The following NARS1 variants were observed in gnomAD, a reference collection of about 807,000 sequenced individuals.
NARS1 encodes asparagine--tRNA ligase, cytoplasmic.
Under a neutral mutation model 79.2 loss-of-function variants are expected in NARS1, and 65 were observed. The observed-to-expected ratio is 0.82, with a 90% CI of 0.67 to 1.01. The LOEUF (loss-of-function observed/expected upper bound fraction) is 1.01. Ranked by LOEUF, NARS1 falls within the 50% of genes least tolerant of loss-of-function variation. The pLI is 0.00. For missense variants in NARS1, 649 were observed against 673.8 expected (o/e 0.96, Z 0.41); for synonymous variants, 229 against 238.8 (o/e 0.96, Z 0.38).
chr18:57,618,120 TAAA>T (rs199797842), intron 2 of NARS1, among the ~76,000 whole-genome samples: 2 of 121,110 alleles, frequency 1.7e-5, no homozygotes. Flanking sequence ...CTACTAGAAA[TAAA>T]AAAAAAAAAA....
At position 57,602,486 on chromosome 18, in the gene NARS1, C is replaced by T; in HGVS notation, c.1384G>A (p.Val462Ile). ...CCAACATTGGGCATCAACACGTCGA[C>T]CTTTAAATATAAGTGAAAGAAGATA... ...CPEDSRLTES[V>I]DVLMPNVGEI... The change falls in exon 13 of 14, where the codon GTC becomes ATC. Residue 462 changes from valine to isoleucine, a missense_variant and splice_region_variant. Coordinates refer to ENST00000256854, the MANE Select transcript of NARS1 (RefSeq NM_004539.4). The T allele has an allele frequency of 6.2e-7, 1 of 1,613,666 alleles. No individual in the cohort carries two copies. Among genetic ancestry groups the T allele is most frequent in the East Asian group, 2.2e-5 (1 of 44,878 alleles).
In NARS1 at chr18:57,602,838, G is replaced by C. The variant is rs1244092998; in HGVS notation, c.1357C>G (p.Pro453Ala). 8.7e-6 allele frequency: 14 copies of C among 1,614,046 alleles called. No homozygotes were observed. The highest frequency in any genetic ancestry group is 1.1e-5 in the Non-Finnish European group (13 of 1,180,000). ...EIKSFYMQRCPEDSRLTESVD... is the reference protein window; with the variant it reads ...EIKSFYMQRCAEDSRLTESVD... ...GATTCAGTAAGACGGGAATCCTCAGGACATCGCTGCATGTAGAAGGACTTG... is the reference window on the plus strand; with the variant it reads ...GATTCAGTAAGACGGGAATCCTCAGCACATCGCTGCATGTAGAAGGACTTG... Residue 453 changes from proline to alanine, a missense_variant, in exon 12 of 14, where the codon CCT becomes GCT. Physicochemically the swap from Pro to Ala is conservative, Grantham distance 27 (BLOSUM62 -1). Transcript: ENST00000256854.
chr18:57,613,659 C>T lies in NARS1; in HGVS notation c.364G>A (p.Gly122Arg), dbSNP rs771846629. Reference sequence around the variant, plus strand: ...ACCTTTACTCTTTGGCCTCTATATCCTTCTAACGCACCAATCTTCACCTGT... The same window carrying T: ...ACCTTTACTCTTTGGCCTCTATATCTTTCTAACGCACCAATCTTCACCTGT... ...PKCVKIGALE[G>R]YRGQRVKVFG... is the part of the protein sequence containing the mutation. The change falls in exon 5 of 14, where the codon GGA becomes AGA. Residue 122 changes from glycine (G) to arginine (R), a missense_variant. Gly to Arg is a moderately radical substitution (Grantham distance 125). Coordinates refer to ENST00000256854, the MANE Select transcript of NARS1 (RefSeq NM_004539.4). 5 of 1,613,948 alleles carry T rather than the reference C, an allele frequency of 3.1e-6. No homozygotes were observed. In the African/African-American group the frequency reaches 6.7e-5, roughly 22 times the overall value.
chr18:57,601,377 T>C lies in NARS1; in HGVS notation c.*275A>G, dbSNP rs2051504132. On this transcript the variant is annotated 3_prime_UTR_variant, in exon 14 of 14. Transcript: ENST00000256854. ...AATAACTTGGATAAAGTGAGTAAAA[T>C]GCTGAAATGTATCCCTAACTACAGT... 1 of 270,054 alleles carries C rather than the reference T, an allele frequency of 3.7e-6. No homozygotes were observed. Among genetic ancestry groups the C allele is most frequent in the South Asian group, 7.3e-5 (1 of 13,744 alleles). The allele number at this position is 270,054 out of a possible 1,614,324, so 16.7% of individuals were successfully genotyped here.
intron 12 of NARS1, 113 bp from the exon 13 acceptor site, chr18:57,602,599 T>G: frequency 1.6e-6 from 2 of 1,281,520 alleles, no homozygotes; most frequent in Non-Finnish European, 1.1e-6. Context: ...AAGGAGCCAC[T>G]ATGATCATGT....
intron 6 of NARS1, among the ~76,000 whole-genome samples, chr18:57,611,197 CTCAAGCAG>C (rs2051602280): frequency 1.3e-5 from 2 of 152,016 alleles, no homozygotes; most frequent in Admixed American, 6.6e-5. Context: ...AACTCCTGGG[CTCAAGCAG>C]TCTGCCCACT....
chr18:57,611,710 A>C lies in NARS1; in HGVS notation c.422-3T>G. Reference sequence around the variant, plus strand: ...CACCAGAAACATTAAATTCTTTCCTAAAAAATGAGAAATAATAATTTAGGC... The same window carrying C: ...CACCAGAAACATTAAATTCTTTCCTCAAAAATGAGAAATAATAATTTAGGC... On this transcript the variant is annotated splice_polypyrimidine_tract_variant and splice_region_variant and intron_variant, in intron 5 of 13. Coordinates refer to ENST00000256854, the MANE Select transcript of NARS1 (RefSeq NM_004539.4). 6.4e-7 allele frequency: 1 copy of C among 1,551,620 alleles called. No homozygotes were observed. Among genetic ancestry groups the C allele is most frequent in the Non-Finnish European group, 8.8e-7 (1 of 1,139,800 alleles).
Position 57,611,494 on chromosome 18 carries a change from T to C in NARS1, c.492+143A>G. On this transcript the variant is annotated intron_variant, in intron 6 of 13. Transcript: ENST00000256854. Reference sequence around the variant, plus strand: ...GTATAATAAACAAATAAAAATTGCATGTTTATGGTATACAATGTGATGTTT... The same window carrying C: ...GTATAATAAACAAATAAAAATTGCACGTTTATGGTATACAATGTGATGTTT... The C allele has an allele frequency of 7.3e-6, 4 of 545,446 alleles. No individual in the cohort carries two copies. The South Asian group carries it at 9.8e-5, about 13-fold the overall frequency. 33.8% of individuals were successfully genotyped at this position (545,446 alleles called of 1,614,324 possible).
chr18:57,606,353 A>T (rs1202603512), intron 10 of NARS1, among the ~76,000 whole-genome samples: 41 of 10,942 alleles, frequency 3.7e-3, no homozygotes, highest in African/African-American at 5.3e-3. Flanking sequence ...TCAAAAAAAA[A>T]ATATATATAT....
At chr18:57,618,289 C>CA (rs34320460) in intron 2 of NARS1, among the ~76,000 whole-genome samples, 114,281 of 122,840 alleles carry the variant, frequency 0.93, 53,248 homozygotes, top group East Asian at 0.99. Flanking sequence ...AACTCTGTCT[C>CA]AAAAAAAAAA....
In NARS1 at chr18:57,601,713, T is replaced by C; in HGVS notation, c.1586A>G (p.Asn529Ser). 1.2e-6 allele frequency: 2 copies of C among 1,613,798 alleles called. No individual in the cohort carries two copies. Among genetic ancestry groups the C allele is most frequent in the Non-Finnish European group, 1.7e-6 (2 of 1,179,656 alleles). The change falls in exon 14 of 14, where the codon AAT (asparagine) becomes AGT (serine). Residue 529 changes from asparagine to serine, a missense_variant. Transcript: ENST00000256854. The part of the protein sequence containing the change: ...GLERFLTWIL[N>S]RYHIRDVCLY... ...GCACACGTCTCGGATGTGATACCTA[T>C]TCAGAATCCACGTTAAGAATCGTTC... is the stretch of plus-strand genomic sequence containing the variant.
At chr18:57,619,055 AG>A (rs1908180746) in intron 2 of NARS1, among the ~76,000 whole-genome samples, 1 of 152,202 alleles carries the variant, frequency 6.6e-6, no homozygotes, top group Non-Finnish European at 1.5e-5. Context: ...TAACAAAAAA[AG>A]GGGATGCACA....
At position 57,613,663 on chromosome 18, in the gene NARS1, T is replaced by C. The variant is rs2051624396; in HGVS notation, c.360A>G (p.Leu120=). ...TTACTCTTTGGCCTCTATATCCTTC[T>C]AACGCACCAATCTTCACCTGTCAAA... ...PEPKCVKIGA[L]EGYRGQRVKV... is the part of the protein sequence containing the mutation. The change falls in exon 5 of 14, where the codon TTA becomes TTG. Residue 120 remains leucine (L), a synonymous_variant. Transcript: ENST00000256854. 1.2e-6 allele frequency: 2 copies of C among 1,614,074 alleles called. No homozygotes were observed. Among genetic ancestry groups the C allele is most frequent in the South Asian group, 1.1e-5 (1 of 91,086 alleles).
At chr18:57,602,320 A>G (rs1217432879) in intron 13 of NARS1, 35 bp downstream of exon 13, 3 of 1,592,038 alleles carry the variant, frequency 1.9e-6, no homozygotes, top group African/African-American at 1.3e-5. Flanking sequence ...ATTACAGTGG[A>G]AAAAAATGTT....
At chr18:57,604,627 C>T (rs960242313) in intron 11 of NARS1, among the ~76,000 whole-genome samples, 14 of 152,206 alleles carry the variant, frequency 9.2e-5, no homozygotes, top group Admixed American at 7.9e-4. Context: ...CAGTGGCTCA[C>T]GCCTGTAATC....
intron 11 of NARS1, among the ~76,000 whole-genome samples, chr18:57,604,968 G>A (rs1038767841): frequency 3.3e-5 from 5 of 152,148 alleles, no homozygotes; most frequent in African/African-American, 1.2e-4. Flanking sequence ...TTTACCTGGG[G>A]CACTAGGCTA....
At chr18:57,612,590 C>A (rs2051613380) in intron 5 of NARS1, among the ~76,000 whole-genome samples, 1 of 152,112 alleles carries the variant, frequency 6.6e-6, no homozygotes, top group African/African-American at 2.4e-5. Flanking sequence ...TGCTCACAAC[C>A]ACACCCAGCT....
chr18:57,616,374 C>A (rs1039466179), intron 2 of NARS1, among the ~76,000 whole-genome samples: 1 of 148,958 alleles, frequency 6.7e-6, no homozygotes, highest in Non-Finnish European at 1.5e-5. Context: ...GAGCCAAGAT[C>A]GTGCCACTGC....
chr18:57,616,067 T>C (rs773836890), intron 2 of NARS1, 92 bp from the exon 3 acceptor site: 2 of 1,206,616 alleles, frequency 1.7e-6, no homozygotes, highest in African/African-American at 3.1e-5. Flanking sequence ...ACTGGAACAA[T>C]CTAAGCATAA....
Sources: allele counts gnomAD v4.1 joint callset (sites outside exome capture counted in the v4.1 genomes callset), GRCh38; gene constraint gnomAD v4.1.1; transcripts MANE v1.5; gene names NCBI Gene and HGNC (gene_info 2026-07-23, HGNC 2026-07-21).